Variants in ANAPC1 observed in about 807,000 individuals in gnomAD.
The protein encoded by ANAPC1 is anaphase-promoting complex subunit 1.
ANAPC1 carries 36 observed loss-of-function variants against 208.0 expected under a neutral mutation model. The observed-to-expected ratio is 0.17, with a 90% confidence interval of 0.13 to 0.23. The LOEUF (loss-of-function observed/expected upper bound fraction) is 0.23. Ranked by LOEUF, ANAPC1 falls within the 10% of genes least tolerant of loss-of-function variation. ANAPC1 has a pLI of 1.00. For synonymous variants in ANAPC1, 378 were observed against 695.2 expected (o/e 0.54, Z 7.18); for missense variants, 942 against 2,011.6 (o/e 0.47, Z 10.17).
intron 18 of ANAPC1, among the ~76,000 whole-genome samples, chr2:111,835,966 A>C (rs1680445209): frequency 6.6e-6 from 1 of 152,246 alleles, no homozygotes; most frequent in Non-Finnish European, 1.5e-5. Flanking sequence ...TCATGTCTAG[A>C]ACATGTAAGA....
At chr2:111,843,329 T>G in intron 17 of ANAPC1, 83 bp downstream of exon 17, 1 of 1,351,996 alleles carries the variant, frequency 7.4e-7, no homozygotes, top group South Asian at 1.2e-5. Flanking sequence ...ACGCCTATTA[T>G]GTAGTCTCAA....
chr2:111,801,771 A>G (rs957124130), intron 33 of ANAPC1, among the ~76,000 whole-genome samples: 457 of 149,516 alleles, frequency 3.1e-3, no homozygotes, highest in African/African-American at 0.011. Flanking sequence ...TGAGTTGAAT[A>G]TCACCAAAGT....
In ANAPC1 at chr2:111,792,471, C is replaced by T. The variant is rs779786301; in HGVS notation, c.4603G>A (p.Val1535Ile). 5.0e-6 allele frequency: 8 copies of T among 1,613,710 alleles called. No homozygotes were observed. Among genetic ancestry groups the T allele is most frequent in the Middle Eastern group, 1.7e-4 (1 of 6,056 alleles). Residue 1535 changes from valine (V) to isoleucine (I), a missense_variant, in exon 38 of 48, where the codon GTT becomes ATT. Physicochemically the swap from Val to Ile is conservative, Grantham distance 29. Coordinates refer to ENST00000341068, the MANE Select transcript of ANAPC1 (RefSeq NM_022662.4). ...TGTAAGAAGCGACAAAGCTGCAAAACCTTTAGGTTTCCTGAGCCAGCCATG... is the reference window on the plus strand; with the variant it reads ...TGTAAGAAGCGACAAAGCTGCAAAATCTTTAGGTTTCCTGAGCCAGCCATG... ...MVMAGSGNLK[V>I]LQLCRFLHMK...
At chr2:111,856,583 C>G (rs1196122939) in intron 13 of ANAPC1, 31 bp downstream of exon 13, 1 of 1,589,568 alleles carries the variant, frequency 6.3e-7, no homozygotes, top group East Asian at 2.2e-5. Flanking sequence ...TGAAGTCCTA[C>G]TAAAGGCATG....
intron 16 of ANAPC1, among the ~76,000 whole-genome samples, chr2:111,843,820 C>CCTTTTTT (rs770441848): frequency 5.8e-5 from 5 of 86,818 alleles, no homozygotes; most frequent in African/African-American, 2.3e-4. Flanking sequence ...CTGAAGACAG[C>CCTTTTTT]TTTTTTTTTT....
chr2:111,867,057 G>A (rs569882856), intron 7 of ANAPC1, among the ~76,000 whole-genome samples: 6 of 152,184 alleles, frequency 3.9e-5, no homozygotes, highest in South Asian at 4.1e-4. Context: ...TTGGGAGGCC[G>A]AGGTGGGTGG....
chr2:111,835,708 G>A (rs1385311448), intron 18 of ANAPC1, among the ~76,000 whole-genome samples: 1 of 152,144 alleles, frequency 6.6e-6, no homozygotes, highest in Non-Finnish European at 1.5e-5. Flanking sequence ...GGGTGTGGTG[G>A]CGGGCGCCTG....
intron 24 of ANAPC1, among the ~76,000 whole-genome samples, chr2:111,824,151 C>T (rs1042453378): frequency 2.8e-5 from 4 of 144,550 alleles, no homozygotes; most frequent in African/African-American, 1.0e-4. Context: ...ATGCAATATA[C>T]AAATGGATAG....
intron 24 of ANAPC1, among the ~76,000 whole-genome samples, chr2:111,823,067 T>C (rs1247256719): frequency 1.5e-5 from 2 of 131,738 alleles, no homozygotes; most frequent in East Asian, 4.7e-4. Flanking sequence ...TGGAGTGCAG[T>C]GGCGCGATCT....
chr2:111,792,607 T>C, intron 37 of ANAPC1, 52 bp from the exon 38 acceptor site: 1 of 1,547,236 alleles, frequency 6.5e-7, no homozygotes, highest in Non-Finnish European at 8.8e-7. Flanking sequence ...CATTTCTTTA[T>C]TATCAGAACT....
Position 111,772,241 on chromosome 2 carries a change from G to C in ANAPC1, c.5719+100C>G, listed in dbSNP as rs1676780697. 6.1e-6 allele frequency: 9 copies of C among 1,469,898 alleles called. No homozygotes were observed. In the Admixed American group the frequency reaches 7.7e-5, roughly 13 times the overall value. The allele number at this position is 1,469,898 out of a possible 1,614,324, so 91.1% of individuals were successfully genotyped here. ...CTAACAATGACACTGCAACATTAATGAAGAGGAAAGTCAAACTAGGGGCAG... is the reference window on the plus strand; with the variant it reads ...CTAACAATGACACTGCAACATTAATCAAGAGGAAAGTCAAACTAGGGGCAG... On this transcript the variant is annotated intron_variant, in intron 47 of 47. Coordinates refer to ENST00000341068, the MANE Select transcript of ANAPC1 (RefSeq NM_022662.4).
chr2:111,882,649 A>T (rs2104623196), intron 1 of ANAPC1, among the ~76,000 whole-genome samples: 1 of 150,470 alleles, frequency 6.6e-6, no homozygotes, highest in Admixed American at 6.6e-5. Context: ...AGGCAAGAGA[A>T]TCGCTTCAAC....
chr2:111,788,425 G>A (rs1677687032), intron 38 of ANAPC1, 105 bp from the exon 39 acceptor site: 1 of 1,427,844 alleles, frequency 7.0e-7, no homozygotes, highest in Admixed American at 2.1e-5. Flanking sequence ...AAGGCATACT[G>A]ATAAGATGCC....
At chr2:111,769,848 T>C (rs1039368278) in intron 47 of ANAPC1, among the ~76,000 whole-genome samples, 24 of 149,072 alleles carry the variant, frequency 1.6e-4, no homozygotes, top group African/African-American at 5.6e-4. Flanking sequence ...GCCCAGCTAA[T>C]TTTTTTTGTA....
At chr2:111,777,355 G>T (rs1311283077) in intron 45 of ANAPC1, among the ~76,000 whole-genome samples, 1 of 152,172 alleles carries the variant, frequency 6.6e-6, no homozygotes, top group Non-Finnish European at 1.5e-5. Flanking sequence ...GTCATAGCCA[G>T]TCACCTCTGG....
rs1679387782 is a variant in ANAPC1, at chr2:111,819,241, A to T, written c.3207-283T>A. 1.5e-5 allele frequency: 15 copies of T among 984,938 alleles called. No homozygotes were observed. In the South Asian group the frequency reaches 5.2e-4, roughly 34 times the overall value. The allele number at this position is 984,938 out of a possible 1,614,324, so 61.0% of individuals were successfully genotyped here. Reference sequence around the variant, plus strand: ...TAAACCCAGCCGACTCTCTCTAGGCATTCAAAAAAAAAAAGAAATTTAAAA... The same window carrying T: ...TAAACCCAGCCGACTCTCTCTAGGCTTTCAAAAAAAAAAAGAAATTTAAAA... On this transcript the variant is annotated intron_variant, in intron 26 of 47. Coordinates refer to ENST00000341068, the MANE Select transcript of ANAPC1 (RefSeq NM_022662.4).
chr2:111,866,885 T>C (rs1682453995), intron 7 of ANAPC1, among the ~76,000 whole-genome samples: 1 of 150,558 alleles, frequency 6.6e-6, no homozygotes, highest in Non-Finnish European at 1.5e-5. Flanking sequence ...AGTAACAACA[T>C]AAAATTTGAA....
intron 9 of ANAPC1, 57 bp from the exon 10 acceptor site, chr2:111,862,655 C>T (rs572853518): frequency 1.7e-4 from 275 of 1,573,334 alleles, no homozygotes; most frequent in Admixed American, 2.7e-4. Context: ...GCTTATATGA[C>T]ACACACTCCA....
In ANAPC1 at chr2:111,772,416, G is replaced by C. The variant is rs747402678; in HGVS notation, c.5644C>G (p.Leu1882Val). ...ACGAGGAAGCAGGCCAGCATGCTCA[G>C]CTGTGATTCCTCCAAGGGCTGCCCG... ...LSGQPLEESQ[L>V]SMLACFLVYH... is the part of the protein sequence containing the mutation. Residue 1882 changes from leucine to valine, a missense_variant, in exon 47 of 48, where the codon CTG becomes GTG. By Grantham distance (32) the Leu-to-Val change is conservative. Transcript: ENST00000341068. 6.2e-7 allele frequency: 1 copy of C among 1,600,986 alleles called. No individual in the cohort carries two copies. The highest frequency in any genetic ancestry group is 1.4e-5 in the African/African-American group (1 of 73,244).
Sources: gnomAD v4.1 joint callset for allele counts (sites outside exome capture counted in the v4.1 genomes callset) on GRCh38, gnomAD v4.1.1 for gene constraint, MANE v1.5 for transcripts, NCBI Gene and HGNC (gene_info 2026-07-23, HGNC 2026-07-21) for gene names.